Variants in ST8SIA6 observed in about 807,000 individuals in gnomAD.
ST8SIA6 encodes the protein ST8 alpha-N-acetyl-neuraminide alpha-2,8-sialyltransferase 6.
A neutral mutation model predicts 33.6 loss-of-function variants in ST8SIA6; 39 were observed. The ratio of observed to expected loss-of-function variants is 1.16; its 90% CI spans 0.90 to 1.52. The LOEUF is 1.52. ST8SIA6 is among the 40% of genes most tolerant of loss of function. ST8SIA6 has a pLI of 0.00. For missense variants in ST8SIA6, 441 were observed against 443.8 expected (o/e 0.99, Z 0.06); for synonymous variants, 172 against 167.2 (o/e 1.03, Z -0.22).
intron 5 of ST8SIA6, 23 bp from the exon 6 acceptor site, chr10:17,327,149 T>C (rs989699462): frequency 3.3e-6 from 5 of 1,528,876 alleles, no homozygotes; most frequent in Non-Finnish European, 3.6e-6. Context: ...AGTGGAAAAC[T>C]ACCATGAAAT....
At chr10:17,370,226 G>A (rs1049721074) in intron 3 of ST8SIA6, among the ~76,000 whole-genome samples, 9 of 152,062 alleles carry the variant, frequency 5.9e-5, no homozygotes, top group Non-Finnish European at 7.4e-5. Context: ...CTCGTGATCC[G>A]TCCGTCTCGG....
chr10:17,447,219 T>A (rs1001408292), intron 2 of ST8SIA6, among the ~76,000 whole-genome samples: 1 of 151,580 alleles, frequency 6.6e-6, no homozygotes, highest in African/African-American at 2.4e-5. Context: ...TGAAACCCCA[T>A]CTTTACTAAA....
intron 3 of ST8SIA6, among the ~76,000 whole-genome samples, chr10:17,363,105 T>C (rs1316950543): frequency 6.6e-6 from 1 of 152,224 alleles, no homozygotes; most frequent in African/African-American, 2.4e-5. Flanking sequence ...CACTTAAAAC[T>C]TCCCTCAGTA....
chr10:17,419,284 C>G (rs950092368), intron 2 of ST8SIA6, among the ~76,000 whole-genome samples: 8 of 152,132 alleles, frequency 5.3e-5, no homozygotes, highest in Non-Finnish European at 1.2e-4. Flanking sequence ...GTAATCCCAG[C>G]ACTTTGGGAG....
At chr10:17,405,943 A>G (rs17141009) in intron 2 of ST8SIA6, among the ~76,000 whole-genome samples, 2,640 of 151,998 alleles carry the variant, frequency 0.017, 78 homozygotes, top group African/African-American at 0.06. Context: ...CAGCTTCCTC[A>G]GGTGCAAAAT....
chr10:17,401,880 T>C (rs1330199749), intron 2 of ST8SIA6, among the ~76,000 whole-genome samples: 3,536 of 150,686 alleles, frequency 0.023, 49 homozygotes, highest in South Asian at 0.045. Flanking sequence ...GGGCAGGGAC[T>C]TCATGTCTAA....
chr10:17,440,458 G>A (rs750846384), intron 2 of ST8SIA6, among the ~76,000 whole-genome samples: 19 of 152,048 alleles, frequency 1.2e-4, no homozygotes, highest in Middle Eastern at 6.8e-3. Flanking sequence ...CACCTGCCCC[G>A]GCCTCCCAAA....
At chr10:17,399,880 T>C (rs531012446) in intron 2 of ST8SIA6, among the ~76,000 whole-genome samples, 1 of 148,332 alleles carries the variant, frequency 6.7e-6, no homozygotes, top group Admixed American at 6.8e-5. Context: ...ATTGCACCAC[T>C]GCACTCCAGC....
chr10:17,326,986 T>G, intron 6 of ST8SIA6, 28 bp downstream of exon 6: 1 of 1,524,630 alleles, frequency 6.6e-7, no homozygotes, highest in Non-Finnish European at 9.0e-7. Flanking sequence ...ATCTATTGTT[T>G]CAAAGAAACC....
rs577643409 is a variant in ST8SIA6, at chr10:17,318,144, A to T, written c.*2734T>A. ...GAACAACAAGTGGAAAATAGAATCC[A>T]GCAAGCTAGTATTTCTCTTAGAAAC... On this transcript the variant is annotated 3_prime_UTR_variant, in exon 8 of 8. Coordinates refer to ENST00000377602, the MANE Select transcript of ST8SIA6 (RefSeq NM_001004470.3). 6.6e-6 allele frequency among the ~76,000 whole-genome samples: 1 copy of T among 152,300 alleles called. No homozygotes were observed. Among genetic ancestry groups the T allele is most frequent in the South Asian group, 2.1e-4 (1 of 4,824 alleles).
intron 4 of ST8SIA6, among the ~76,000 whole-genome samples, chr10:17,351,762 A>G (rs567525864): frequency 6.6e-6 from 1 of 152,210 alleles, no homozygotes; most frequent in Non-Finnish European, 1.5e-5. Flanking sequence ...ACAAGAATAA[A>G]CCTGGAGGAC....
intron 2 of ST8SIA6, among the ~76,000 whole-genome samples, chr10:17,433,510 C>G (rs1182502148): frequency 1.3e-5 from 2 of 152,192 alleles, no homozygotes; most frequent in Non-Finnish European, 2.9e-5. Flanking sequence ...TAGACCCCAA[C>G]TGATCAGAAA....
intron 3 of ST8SIA6, among the ~76,000 whole-genome samples, chr10:17,378,701 C>T (rs1314291645): frequency 6.6e-6 from 1 of 152,110 alleles, no homozygotes; most frequent in Non-Finnish European, 1.5e-5. Context: ...TTAAGTCCAC[C>T]CCCAAAATCA....
At chr10:17,425,444 G>A (rs1319517420) in intron 2 of ST8SIA6, among the ~76,000 whole-genome samples, 3 of 152,094 alleles carry the variant, frequency 2.0e-5, no homozygotes, top group African/African-American at 7.2e-5. Flanking sequence ...TGGTGCGCCT[G>A]TAATCCCAGC....
chr10:17,356,691 G>C (rs1295179017), intron 4 of ST8SIA6, among the ~76,000 whole-genome samples: 1 of 152,006 alleles, frequency 6.6e-6, no homozygotes, highest in Non-Finnish European at 1.5e-5. Context: ...CCTGGCCTAA[G>C]ATGTTTACTT....
intron 3 of ST8SIA6, among the ~76,000 whole-genome samples, chr10:17,387,780 G>A (rs562919026): frequency 6.6e-6 from 1 of 152,336 alleles, no homozygotes; most frequent in East Asian, 1.9e-4. Flanking sequence ...CTAGGAGAGA[G>A]ATTGCAACTC....
At chr10:17,394,356 GAA>G (rs546106601) in intron 2 of ST8SIA6, among the ~76,000 whole-genome samples, 13 of 109,456 alleles carry the variant, frequency 1.2e-4, no homozygotes, top group Admixed American at 1.9e-4. Flanking sequence ...TTGCCTTTAA[GAA>G]AAAAAAAAAA....
chr10:17,353,789 T>C (rs1849107065), intron 4 of ST8SIA6, among the ~76,000 whole-genome samples: 1 of 152,176 alleles, frequency 6.6e-6, no homozygotes, highest in African/African-American at 2.4e-5. Flanking sequence ...CACTAAGTTT[T>C]CAGTAAATAT....
intron 2 of ST8SIA6, among the ~76,000 whole-genome samples, chr10:17,407,278 C>G (rs1851300159): frequency 6.6e-6 from 1 of 152,226 alleles, no homozygotes; most frequent in Non-Finnish European, 1.5e-5. Flanking sequence ...CTTTCAGGAA[C>G]TTGGGGCGGC....
Sources: allele counts gnomAD v4.1 joint callset (sites outside exome capture counted in the v4.1 genomes callset), GRCh38; gene constraint gnomAD v4.1.1; transcripts MANE v1.5; gene names NCBI Gene and HGNC (gene_info 2026-07-23, HGNC 2026-07-21).